Variants in SLC25A26 observed in about 807,000 individuals in gnomAD.
SLC25A26 encodes the protein mitochondrial S-adenosylmethionine carrier protein.
In SLC25A26, 36 loss-of-function variants were observed where a neutral mutation model predicts 37.8. The observed-to-expected ratio is 0.95, with a 90% CI of 0.73 to 1.26. The LOEUF is 1.26. Among genes scored for constraint, SLC25A26 ranks in the 50% most tolerant of loss-of-function variants. SLC25A26 has a pLI of 0.00. For missense variants in SLC25A26, 390 were observed against 331.1 expected (o/e 1.18, Z -1.38); for synonymous variants, 129 against 122.5 (o/e 1.05, Z -0.35).
intron 1 of SLC25A26, among the ~76,000 whole-genome samples, chr3:66,199,679 C>T (rs1252418860): frequency 1.3e-5 from 2 of 152,088 alleles, no homozygotes; most frequent in Non-Finnish European, 2.9e-5. Flanking sequence ...TCACTGGCCT[C>T]AACTTCATCC....
At chr3:66,279,069 T>C (rs1201997239) in intron 5 of SLC25A26, among the ~76,000 whole-genome samples, 1 of 152,224 alleles carries the variant, frequency 6.6e-6, no homozygotes, top group East Asian at 1.9e-4. Flanking sequence ...TCTTGCACTC[T>C]ATCAGTTGCT....
chr3:66,262,301 A>G (rs1443902386), intron 4 of SLC25A26, 146 bp downstream of exon 4: 8 of 457,742 alleles, frequency 1.7e-5, no homozygotes, highest in Admixed American at 4.3e-5. Flanking sequence ...TGCTAAGATT[A>G]TCTTTGCCTT....
Position 66,236,515 on chromosome 3 carries a change from T to C in SLC25A26, c.34-29T>C, listed in dbSNP as rs782642711. 1,149 of 1,428,418 alleles carry C rather than the reference T, an allele frequency of 8.0e-4. 2 individuals are homozygous for C. The highest frequency in any genetic ancestry group is 9.7e-4 in the Non-Finnish European group (1,057 of 1,085,348). The allele number at this position is 1,428,418 out of a possible 1,614,324, so 88.5% of individuals were successfully genotyped here. On this transcript the variant is annotated intron_variant, in intron 1 of 9. Transcript: ENST00000354883. ...TTATTTTGTTGTAACCTTTTTTTTT[T>C]CTTTTTCTTCCCTCTTTTTTTTTCA... is the stretch of plus-strand genomic sequence containing the variant.
chr3:66,270,324 T>C (rs1319166290), intron 5 of SLC25A26, among the ~76,000 whole-genome samples: 1 of 152,200 alleles, frequency 6.6e-6, no homozygotes, highest in Non-Finnish European at 1.5e-5. Context: ...TTCAAAATCT[T>C]TCCAAACTTC....
At chr3:66,269,106 A>G (rs185742825) in intron 5 of SLC25A26, among the ~76,000 whole-genome samples, 31 of 152,322 alleles carry the variant, frequency 2.0e-4, no homozygotes, top group African/African-American at 7.2e-4. Flanking sequence ...ATCTGAGTCC[A>G]GGTTTGCCCA....
intron 1 of SLC25A26, among the ~76,000 whole-genome samples, chr3:66,142,117 A>G (rs1483235035): frequency 6.6e-6 from 1 of 152,112 alleles, no homozygotes; most frequent in Admixed American, 6.5e-5. Flanking sequence ...ATTAAACCCC[A>G]TACCTATTTG....
intron 5 of SLC25A26, among the ~76,000 whole-genome samples, chr3:66,274,573 A>C (rs1159897263): frequency 2.0e-5 from 3 of 152,234 alleles, no homozygotes; most frequent in Non-Finnish European, 4.4e-5. Flanking sequence ...AAACAACCCC[A>C]TCAAAAAGTA....
At chr3:66,237,625 C>T (rs938112152) in intron 2 of SLC25A26, among the ~76,000 whole-genome samples, 14 of 152,236 alleles carry the variant, frequency 9.2e-5, no homozygotes, top group South Asian at 2.1e-4. Flanking sequence ...TGACTTATGA[C>T]GCTCTTACTC....
intron 5 of SLC25A26, among the ~76,000 whole-genome samples, chr3:66,280,218 G>A (rs2074290798): frequency 6.6e-6 from 1 of 152,156 alleles, no homozygotes; most frequent in Non-Finnish European, 1.5e-5. Flanking sequence ...TAAGTGATAA[G>A]TTCTTACCAC....
intron 7 of SLC25A26, among the ~76,000 whole-genome samples, chr3:66,368,743 C>T (rs901796193): frequency 1.3e-5 from 2 of 152,060 alleles, no homozygotes; most frequent in East Asian, 1.9e-4. Flanking sequence ...CCAGGCTGGG[C>T]GTGGTGGTTC....
chr3:66,258,124 G>A (rs1020670726), intron 3 of SLC25A26, among the ~76,000 whole-genome samples: 1 of 152,080 alleles, frequency 6.6e-6, no homozygotes, highest in East Asian at 1.9e-4. Context: ...TGTTCCTAAC[G>A]CTTTGCTAGA....
At position 66,336,539 on chromosome 3, in the gene SLC25A26, C is replaced by T. The variant is rs558502622; in HGVS notation, c.454-9825C>T. On this transcript the variant is annotated intron_variant, in intron 5 of 9. Coordinates refer to ENST00000354883, the MANE Select transcript of SLC25A26 (RefSeq NM_001379210.1). The stretch of plus-strand genomic sequence containing the variant: ...TTTCCTGACCCTGTGCGAGTTCTAA[C>T]GTTTTGATAGGAATTCTGGTTTTGG... Among the ~76,000 whole-genome samples, 5 of 152,262 alleles carry T rather than the reference C, an allele frequency of 3.3e-5. No individual in the cohort carries two copies. The South Asian group carries it at 1.0e-3, about 32-fold the overall frequency.
At chr3:66,301,648 G>C (rs139155652) in intron 5 of SLC25A26, among the ~76,000 whole-genome samples, 24 of 152,346 alleles carry the variant, frequency 1.6e-4, no homozygotes, top group African/African-American at 5.8e-4. Flanking sequence ...TACGTGTTTA[G>C]ACGGAGTACC....
chr3:66,257,734 C>T (rs2073360611), intron 3 of SLC25A26, among the ~76,000 whole-genome samples: 1 of 152,156 alleles, frequency 6.6e-6, no homozygotes, highest in Admixed American at 6.5e-5. Flanking sequence ...TTCCTTGACC[C>T]TGTGGCCCTC....
chr3:66,310,337 C>G (rs1213468264), intron 5 of SLC25A26, among the ~76,000 whole-genome samples: 1 of 151,788 alleles, frequency 6.6e-6, no homozygotes, highest in East Asian at 1.9e-4. Flanking sequence ...CTTTTTTTTG[C>G]TTTCCATTGG....
At chr3:66,348,974 C>A (rs948839282) in intron 6 of SLC25A26, among the ~76,000 whole-genome samples, 4 of 152,192 alleles carry the variant, frequency 2.6e-5, no homozygotes, top group African/African-American at 9.6e-5. Flanking sequence ...ACAAGACTTA[C>A]TTTATTAGTG....
chr3:66,337,515 GA>G (rs1234640204), intron 5 of SLC25A26, among the ~76,000 whole-genome samples: 1 of 151,950 alleles, frequency 6.6e-6, no homozygotes, highest in Non-Finnish European at 1.5e-5. Context: ...AATCAACATG[GA>G]AATATCTAAG....
chr3:66,316,505 C>T (rs555547579), intron 5 of SLC25A26, among the ~76,000 whole-genome samples: 4 of 152,240 alleles, frequency 2.6e-5, no homozygotes, highest in African/African-American at 7.2e-5. Flanking sequence ...AATGGGCCTC[C>T]CTGTAGAGAT....
In SLC25A26 at chr3:66,221,063, T is replaced by G. The variant is rs1553658093; in HGVS notation, c.-32T>G. ...GACGTGATCCGCTTCTGCTCCGGCTTGGATTGTAGCCTTGACGAGGTCTGA... is the reference window on the plus strand; with the variant it reads ...GACGTGATCCGCTTCTGCTCCGGCTGGGATTGTAGCCTTGACGAGGTCTGA... On this transcript the variant is annotated 5_prime_UTR_variant, in exon 1 of 10. Coordinates refer to ENST00000354883, the MANE Select transcript of SLC25A26 (RefSeq NM_001379210.1). The G allele has an allele frequency of 6.5e-7, 1 of 1,535,696 alleles. No individual in the cohort carries two copies. Among genetic ancestry groups the G allele is most frequent in the Admixed American group, 2.0e-5 (1 of 50,882 alleles).
Sources: allele counts gnomAD v4.1 joint callset (sites outside exome capture counted in the v4.1 genomes callset), GRCh38; gene constraint gnomAD v4.1.1; transcripts MANE v1.5; gene names NCBI Gene and HGNC (gene_info 2026-07-23, HGNC 2026-07-21).